The following NTM variants were observed in gnomAD, a reference collection of about 807,000 sequenced individuals.
The protein encoded by NTM is IgLON family member 2.
In NTM, 13 loss-of-function variants were observed where a neutral mutation model predicts 42.1. That is an observed-to-expected ratio of 0.31 (90% confidence interval 0.20 to 0.49). NTM has a LOEUF of 0.49. Among genes scored for constraint, NTM ranks in the 20% least tolerant of loss-of-function variants. NTM has a pLI of 0.99. For synonymous variants in NTM, 187 were observed against 179.2 expected, an observed-to-expected ratio of 1.04 and a Z score of -0.35; for missense variants, 373 against 452.8, an observed-to-expected ratio of 0.82 and a Z score of 1.60.
chr11:131,918,149 G>A (rs113553074), intron 2 of NTM, among the ~76,000 whole-genome samples: 2,632 of 152,252 alleles, frequency 0.017, 45 homozygotes, highest in Non-Finnish European at 0.027. Flanking sequence ...TCAGTCTTGC[G>A]TAAGGAGGCC....
intron 1 of NTM, among the ~76,000 whole-genome samples, chr11:131,746,267 A>G (rs542644469): frequency 1.3e-5 from 2 of 152,304 alleles, no homozygotes; most frequent in East Asian, 3.9e-4. Context: ...AGGGACGGAC[A>G]TCTTTCACGG....
At chr11:131,688,745 T>C (rs1217686546) in intron 1 of NTM, among the ~76,000 whole-genome samples, 1 of 152,228 alleles carries the variant, frequency 6.6e-6, no homozygotes, top group African/African-American at 2.4e-5. Context: ...AGACACCAGC[T>C]GCTCCTAGAG....
intron 1 of NTM, among the ~76,000 whole-genome samples, chr11:131,861,719 TA>T (rs1222165263): frequency 4.0e-5 from 6 of 151,742 alleles, no homozygotes; most frequent in Non-Finnish European, 7.4e-5. Context: ...CACTAATGAA[TA>T]TGTCTTAAAA....
chr11:131,672,755 A>C (rs1211167318), intron 1 of NTM, among the ~76,000 whole-genome samples: 1 of 151,996 alleles, frequency 6.6e-6, no homozygotes, highest in Non-Finnish European at 1.5e-5. Context: ...TCAAATACCC[A>C]TGGACCAGCC....
At chr11:131,848,276 G>A (rs2045155532) in intron 1 of NTM, among the ~76,000 whole-genome samples, 1 of 152,188 alleles carries the variant, frequency 6.6e-6, no homozygotes, top group African/African-American at 2.4e-5. Context: ...TCTAACAGCT[G>A]TAGATGAAGA....
At chr11:132,274,069 C>A (rs1320164535) in intron 4 of NTM, among the ~76,000 whole-genome samples, 2 of 152,132 alleles carry the variant, frequency 1.3e-5, no homozygotes, top group African/African-American at 4.8e-5. Context: ...GTAAGTTTGG[C>A]AGTAATGTTT....
intron 1 of NTM, among the ~76,000 whole-genome samples, chr11:131,572,074 C>T (rs1350751768): frequency 1.3e-5 from 2 of 152,212 alleles, no homozygotes; most frequent in Non-Finnish European, 2.9e-5. Context: ...TGCACAAAAA[C>T]ATGCACATCA....
At chr11:132,099,130 T>C (rs1484968299) in intron 2 of NTM, among the ~76,000 whole-genome samples, 1 of 102,808 alleles carries the variant, frequency 9.7e-6, no homozygotes, top group Non-Finnish European at 2.2e-5. Context: ...ACTGAAATTG[T>C]AGCAACACCT....
chr11:131,802,795 C>G (rs1813877499), intron 1 of NTM, among the ~76,000 whole-genome samples: 1 of 152,214 alleles, frequency 6.6e-6, no homozygotes, highest in South Asian at 2.1e-4. Flanking sequence ...AAGCGAGAAA[C>G]AAAAACTCAG....
At chr11:131,466,825 CTTCTT>C (rs1591753401) in intron 1 of NTM, among the ~76,000 whole-genome samples, 2 of 152,220 alleles carry the variant, frequency 1.3e-5, no homozygotes, top group East Asian at 1.9e-4. Context: ...ATTTTTTTCT[CTTCTT>C]TTAATTTATT....
At chr11:131,617,844 T>C (rs1197707391) in intron 1 of NTM, among the ~76,000 whole-genome samples, 1 of 152,100 alleles carries the variant, frequency 6.6e-6, no homozygotes. Flanking sequence ...CTTTTGTAGA[T>C]GATAGGGGTG....
At position 132,146,154 on chromosome 11, in the gene NTM, T is replaced by G. The variant is rs1215633441; in HGVS notation, c.168-128T>G. ...TCCAGAAAAGTCCACCCCTGACAAA[T>G]CAAAGGAAATGTATGTGTTGGGGGA... On this transcript the variant is annotated intron_variant, in intron 2 of 8. Coordinates refer to ENST00000683400, the MANE Select transcript of NTM (RefSeq NM_001352005.2). The surrounding 1 kb of genome is among the most constrained non-coding windows in gnomAD (Gnocchi z 4.5). The G allele has an allele frequency of 7.1e-7, 1 of 1,412,614 alleles. No homozygotes were observed. Among genetic ancestry groups the G allele is most frequent in the Non-Finnish European group, 9.5e-7 (1 of 1,055,038 alleles). 87.5% of individuals were successfully genotyped at this position (1,412,614 alleles called of 1,614,324 possible). A position where few individuals can be genotyped will look rare whatever the true frequency, so the allele number is the denominator to read the frequency against.
intron 1 of NTM, among the ~76,000 whole-genome samples, chr11:131,469,958 C>T (rs1200329079): frequency 6.6e-6 from 1 of 152,174 alleles, no homozygotes; most frequent in African/African-American, 2.4e-5. Context: ...ATCTGGTCTG[C>T]ATTTACATTT....
intron 1 of NTM, among the ~76,000 whole-genome samples, chr11:131,882,340 C>T (rs887086041): frequency 6.6e-6 from 1 of 152,208 alleles, no homozygotes; most frequent in African/African-American, 2.4e-5. Context: ...AGAATTCCCT[C>T]ATCTTCAAGG....
chr11:132,056,185 C>G (rs2079624248), intron 2 of NTM, among the ~76,000 whole-genome samples: 1 of 152,048 alleles, frequency 6.6e-6, no homozygotes, highest in Admixed American at 6.6e-5. Context: ...CAGTAAATAC[C>G]AAACCATGAC....
intron 1 of NTM, among the ~76,000 whole-genome samples, chr11:131,748,328 G>A (rs1455075088): frequency 6.6e-6 from 1 of 152,248 alleles, no homozygotes. Flanking sequence ...TAGTGGCAGA[G>A]CAGCAGATAA....
chr11:131,680,170 G>T (rs992850359), intron 1 of NTM, among the ~76,000 whole-genome samples: 7 of 152,076 alleles, frequency 4.6e-5, no homozygotes, highest in Non-Finnish European at 1.0e-4. Flanking sequence ...CTCTGTGTTG[G>T]CCGTCACAGC....
chr11:132,266,403 C>T (rs1357706787), intron 4 of NTM, among the ~76,000 whole-genome samples: 1 of 152,188 alleles, frequency 6.6e-6, no homozygotes, highest in East Asian at 1.9e-4. Flanking sequence ...CGCCTCATTA[C>T]AACCTCAGAG....
chr11:131,778,456 C>A (rs942603152), intron 1 of NTM, among the ~76,000 whole-genome samples: 1 of 152,148 alleles, frequency 6.6e-6, no homozygotes, highest in Non-Finnish European at 1.5e-5. Flanking sequence ...CATACTTAAC[C>A]ATTCAAAGCC....
Sources: gnomAD v4.1 joint callset for allele counts (sites outside exome capture counted in the v4.1 genomes callset) on GRCh38, gnomAD v4.1.1 for gene constraint, Gnocchi (gnomAD v3.1) non-coding constraint, MANE v1.5 for transcripts, NCBI Gene and HGNC (gene_info 2026-07-23, HGNC 2026-07-21) for gene names.